Variants in RYR1 observed in about 807,000 individuals in gnomAD.
RYR1 encodes ryanodine receptor 1, also known as central core disease of muscle.
In RYR1, 342 loss-of-function variants were observed where a neutral mutation model predicts 583.5. That is an observed-to-expected ratio of 0.59 (90% CI 0.54 to 0.64). RYR1 has a LOEUF of 0.64. Ranked by LOEUF, RYR1 falls within the 30% of genes least tolerant of loss-of-function variation. The pLI, the probability that RYR1 is intolerant of heterozygous loss-of-function variation, is 0.00. For missense variants in RYR1, 6,032 were observed against 6,917.2 expected (o/e 0.87, Z 4.54); for synonymous variants, 2,791 against 2,822.5 (o/e 0.99, Z 0.35).
intron 83 of RYR1, among the ~76,000 whole-genome samples, chr19:38,537,573 ACT>A (rs1036655673): frequency 6.6e-6 from 1 of 151,494 alleles, no homozygotes; most frequent in African/African-American, 2.4e-5. Flanking sequence ...AGGTCAGCAG[ACT>A]CTCCCGAACG....
chr19:38,565,324 C>CGCAGTGGCGGCGCTGCTCTGGGCA lies in RYR1; in HGVS notation c.12997_13020dup (p.Ala4333_Val4340dup). 8.5e-7 allele frequency: 1 copy of CGCAGTGGCGGCGCTGCTCTGGGCA among 1,175,870 alleles called. No individual in the cohort carries two copies. The highest frequency in any genetic ancestry group is 1.0e-6 in the Non-Finnish European group (1 of 953,340). The allele number at this position is 1,175,870 out of a possible 1,614,324, so 72.8% of individuals were successfully genotyped here. On this transcript the variant is annotated inframe_insertion, in exon 91 of 106. Transcript: ENST00000359596. The surrounding 1 kb of genome is among the most constrained non-coding windows in gnomAD (Gnocchi z 4.7). ...GGCTTACGGCCCGCGAGGCGGCCAC[C>CGCAGTGGCGGCGCTGCTCTGGGCA]GCAGTGGCGGCGCTGCTCTGGGCAG...
chr19:38,437,713 G>A (rs1972486974), intron 1 of RYR1, among the ~76,000 whole-genome samples: 1 of 152,050 alleles, frequency 6.6e-6, no homozygotes, highest in African/African-American at 2.4e-5. Context: ...CTACTTGGGA[G>A]GCTGAGGTGG....
At chr19:38,521,265 A>G (rs1971214767) in intron 67 of RYR1, among the ~76,000 whole-genome samples, 1 of 151,196 alleles carries the variant, frequency 6.6e-6, no homozygotes, top group Non-Finnish European at 1.5e-5. Context: ...CTGCACTCCA[A>G]CCTGGGCAAC....
At chr19:38,457,418 C>T in intron 16 of RYR1, 79 bp from the exon 17 acceptor site, 1 of 1,601,452 alleles carries the variant, frequency 6.2e-7, no homozygotes, top group South Asian at 1.1e-5. Flanking sequence ...TTCCTCCTGG[C>T]TTCCCTCCCT....
chr19:38,541,727 G>A (rs1196836815), intron 84 of RYR1, among the ~76,000 whole-genome samples: 1 of 151,624 alleles, frequency 6.6e-6, no homozygotes, highest in Non-Finnish European at 1.5e-5. Context: ...AAAAAAAAAG[G>A]ATTTCCTACC....
At chr19:38,584,829 G>A in intron 101 of RYR1, 114 bp from the exon 102 acceptor site, 2 of 1,273,278 alleles carry the variant, frequency 1.6e-6, no homozygotes, top group Non-Finnish European at 2.2e-6. Context: ...TTGAGGGCAG[G>A]GCCCAGGGCT....
Position 38,506,865 on chromosome 19 carries a change from C to A in RYR1, c.8729C>A (p.Thr2910Lys), listed in dbSNP as rs1291499059. 1 of 1,613,930 alleles carries A rather than the reference C, an allele frequency of 6.2e-7. No individual in the cohort carries two copies. The highest frequency in any genetic ancestry group is 8.5e-7 in the Non-Finnish European group (1 of 1,180,032). ...CACCCCCTGCTGGTCCCCTACGACA[C>A]GCTCACGGCCAAGGAGAAGGCACGA... is the stretch of plus-strand genomic sequence containing the variant. Reference protein sequence around the residue: ...GTHPLLVPYDTLTAKEKARDR... With the variant: ...GTHPLLVPYDKLTAKEKARDR... Residue 2910 changes from threonine to lysine, a missense_variant, in exon 57 of 106, where the codon ACG becomes AAG. Coordinates refer to ENST00000359596, the MANE Select transcript of RYR1 (RefSeq NM_000540.3).
At chr19:38,539,817 A>G (rs1196437299) in intron 84 of RYR1, among the ~76,000 whole-genome samples, 2 of 152,186 alleles carry the variant, frequency 1.3e-5, no homozygotes. Context: ...TTATTTGCAC[A>G]TGTCTATAAC....
chr19:38,563,554 C>T (rs766641124), intron 90 of RYR1, among the ~76,000 whole-genome samples: 11 of 152,214 alleles, frequency 7.2e-5, no homozygotes, highest in East Asian at 1.9e-4. Context: ...TGTGCGCCAC[C>T]GTGGCCTGCC....
At chr19:38,504,508 C>A (rs1970349440) in intron 50 of RYR1, 148 bp downstream of exon 50, 1 of 1,182,496 alleles carries the variant, frequency 8.5e-7, no homozygotes, top group Non-Finnish European at 1.2e-6. Context: ...TGGGTTGAGG[C>A]TTCGATTTGG....
At chr19:38,542,931 TC>T (rs1972262539) in intron 84 of RYR1, among the ~76,000 whole-genome samples, 1 of 152,052 alleles carries the variant, frequency 6.6e-6, no homozygotes, top group Admixed American at 6.6e-5. Context: ...AACCTCTGCC[TC>T]CGGGGTTGAA....
intron 76 of RYR1, among the ~76,000 whole-genome samples, chr19:38,529,972 GTTTA>G (rs572254302): frequency 1.5e-3 from 234 of 152,028 alleles, no homozygotes; most frequent in African/African-American, 5.1e-3. Context: ...TTTTCATTTT[GTTTA>G]TTTATTTATT....
Position 38,548,220 on chromosome 19 carries a change from G to C in RYR1, c.12095-13G>C. The C allele has an allele frequency of 1.2e-6, 2 of 1,613,992 alleles. No individual in the cohort carries two copies. Among genetic ancestry groups the C allele is most frequent in the Middle Eastern group, 1.7e-4 (1 of 5,962 alleles). ...AGTGTTCACCGGCCACACTGACCTG[G>C]GGCTGCCTGCAGGGAACGTGGTGAA... is the stretch of plus-strand genomic sequence containing the variant. On this transcript the variant is annotated splice_polypyrimidine_tract_variant and intron_variant, in intron 88 of 105. Transcript: ENST00000359596.
Position 38,527,637 on chromosome 19 carries a change from C to T in RYR1, c.10687-10C>T, listed in dbSNP as rs77592501. 0.061 allele frequency: 98,893 copies of T among 1,613,786 alleles called. 4,813 individuals carry two copies. The highest frequency in any genetic ancestry group is 0.21 in the South Asian group (19,465 of 90,970). ...CCCTCACGCCGGCCACTCCTTCTTC[C>T]TCCCTTCAGGTCGAAGGCTCCCCGT... is the stretch of plus-strand genomic sequence containing the variant. On this transcript the variant is annotated splice_polypyrimidine_tract_variant and intron_variant, in intron 72 of 105. Transcript: ENST00000359596.
At chr19:38,490,473 T>A in intron 36 of RYR1, 148 bp from the exon 37 acceptor site, 1 of 792,802 alleles carries the variant, frequency 1.3e-6, no homozygotes, top group Non-Finnish European at 2.1e-6. Context: ...TTCAAACCTC[T>A]GGCCCTAGTC....
At chr19:38,464,348 G>A (rs957463337) in intron 22 of RYR1, among the ~76,000 whole-genome samples, 1 of 146,578 alleles carries the variant, frequency 6.8e-6, no homozygotes, top group Non-Finnish European at 1.5e-5. Flanking sequence ...GAGGCAGAAA[G>A]AGAGAGAAAG....
chr19:38,565,627 G>T lies in RYR1; in HGVS notation c.13293G>T (p.Pro4431=). 3 of 1,405,308 alleles carry T rather than the reference G, an allele frequency of 2.1e-6. No homozygotes were observed. The highest frequency in any genetic ancestry group is 2.8e-6 in the Non-Finnish European group (3 of 1,090,168). The allele number at this position is 1,405,308 out of a possible 1,614,324, so 87.1% of individuals were successfully genotyped here. ...DEEEAVHEAG[P]GGADGAVAVT... is the part of the protein sequence containing the mutation. ...AGGAGGCGGTGCACGAGGCCGGGCC[G>T]GGCGGTGCCGACGGGGCGGTGGCCG... Residue 4431 remains proline, a synonymous_variant, in exon 91 of 106, where the codon CCG becomes CCT. Transcript: ENST00000359596. The surrounding 1 kb of genome is among the most constrained non-coding windows in gnomAD (Gnocchi z 4.7).
rs572326211 is a variant in RYR1, at chr19:38,485,665, C to T, written c.5010C>T (p.Arg1670=). 14 of 1,610,770 alleles carry T rather than the reference C, an allele frequency of 8.7e-6. No individual in the cohort carries two copies. Among genetic ancestry groups the T allele is most frequent in the Admixed American group, 8.3e-5 (5 of 60,024 alleles). The part of the protein sequence containing the change: ...RFHSHTLRLY[R]AVCALGNNRV... ...ACTCGCACACCCTGCGCCTCTACCG[C>T]GCTGTGTGCGCCCTGGGCAACAATC... Residue 1670 remains arginine, a synonymous_variant, in exon 34 of 106, where the codon CGC becomes CGT. Coordinates refer to ENST00000359596, the MANE Select transcript of RYR1 (RefSeq NM_000540.3).
chr19:38,478,733 CTGGGA>C, intron 31 of RYR1, 133 bp downstream of exon 31: 1 of 955,956 alleles, frequency 1.0e-6, no homozygotes, highest in Non-Finnish European at 1.6e-6. Context: ...CAAGAGGTCG[CTGGGA>C]GACCACCTTG....
Sources: allele counts gnomAD v4.1 joint callset (sites outside exome capture counted in the v4.1 genomes callset), GRCh38; gene constraint gnomAD v4.1.1; non-coding constraint Gnocchi (gnomAD v3.1); transcripts MANE v1.5; gene names NCBI Gene and HGNC (gene_info 2026-07-23, HGNC 2026-07-21).